The following KAT2B variants were observed in gnomAD, a reference collection of about 807,000 sequenced individuals.
KAT2B encodes lysine acetyltransferase 2B, also known as histone acetyltransferase KAT2B.
KAT2B carries 36 observed loss-of-function variants against 105.9 expected under a neutral mutation model. The ratio of observed to expected loss-of-function variants is 0.34; its 90% CI spans 0.26 to 0.45. The LOEUF is 0.45. KAT2B is among the 20% of genes least tolerant of loss of function. The pLI is 1.00. For synonymous variants in KAT2B, 397 were observed against 377.9 expected (o/e 1.05, Z -0.59); for missense variants, 820 against 1,021.6 (o/e 0.80, Z 2.69).
rs9865832 is a variant in KAT2B, at chr3:20,147,957, G to A, written c.2120-6G>A. 5,605 of 1,613,020 alleles carry A rather than the reference G, an allele frequency of 3.5e-3. 189 individuals are homozygous for A. The African/African-American group carries it at 0.066, about 19-fold the overall frequency. ...TCATTCAGTGTTTCACTTTGTTGAC[G>A]TATAGGAGAGACAGGCTGGAAACCG... On this transcript the variant is annotated splice_region_variant and splice_polypyrimidine_tract_variant and intron_variant, in intron 14 of 17. Transcript: ENST00000263754.
chr3:20,045,174 T>A (rs535772753), intron 1 of KAT2B, among the ~76,000 whole-genome samples: 10 of 151,542 alleles, frequency 6.6e-5, no homozygotes, highest in African/African-American at 2.4e-4. Context: ...ACCACCATAC[T>A]TGGCTAATTT....
At chr3:20,111,028 TGTAG>T (rs1287259108) in intron 5 of KAT2B, among the ~76,000 whole-genome samples, 1 of 152,336 alleles carries the variant, frequency 6.6e-6, no homozygotes, top group East Asian at 1.9e-4. Flanking sequence ...ATAAGTGCTG[TGTAG>T]GCATTTTAAA....
At chr3:20,043,329 T>C (rs937408182) in intron 1 of KAT2B, among the ~76,000 whole-genome samples, 2 of 152,146 alleles carry the variant, frequency 1.3e-5, no homozygotes, top group Admixed American at 6.5e-5. Flanking sequence ...GAGTTACTTA[T>C]TGTGTGTGTG....
intron 2 of KAT2B, among the ~76,000 whole-genome samples, chr3:20,078,670 C>T (rs1200709290): frequency 6.6e-6 from 1 of 151,864 alleles, no homozygotes; most frequent in East Asian, 1.9e-4. Context: ...CCGCACCCTT[C>T]ATCATCTTTT....
chr3:20,041,648 G>T (rs1310211765), intron 1 of KAT2B, among the ~76,000 whole-genome samples: 1 of 152,192 alleles, frequency 6.6e-6, no homozygotes, highest in African/African-American at 2.4e-5. Flanking sequence ...GCTGTCAGCA[G>T]CGGCTTTGTT....
At chr3:20,046,483 T>G (rs1697814235) in intron 1 of KAT2B, among the ~76,000 whole-genome samples, 1 of 152,096 alleles carries the variant, frequency 6.6e-6, no homozygotes. Flanking sequence ...CTCAGGAGGT[T>G]GAGGTGGGAG....
At chr3:20,143,023 G>T (rs1699721040) in intron 13 of KAT2B, among the ~76,000 whole-genome samples, 2 of 152,100 alleles carry the variant, frequency 1.3e-5, no homozygotes, top group South Asian at 4.1e-4. Flanking sequence ...AGAAGCCAAA[G>T]TAAGGATGGG....
chr3:20,124,754 G>A (rs769489207), intron 9 of KAT2B, among the ~76,000 whole-genome samples: 11 of 152,204 alleles, frequency 7.2e-5, no homozygotes, highest in African/African-American at 1.2e-4. Context: ...AGTTTTGTGA[G>A]CTGGTTGTTC....
chr3:20,055,714 T>C (rs564896326), intron 1 of KAT2B, among the ~76,000 whole-genome samples: 13 of 152,284 alleles, frequency 8.5e-5, no homozygotes, highest in Admixed American at 3.3e-4. Flanking sequence ...TTTTACACAG[T>C]GATGTCAAGA....
chr3:20,140,509 C>G (rs1575157700), intron 13 of KAT2B, 145 bp downstream of exon 13: 2 of 764,960 alleles, frequency 2.6e-6, no homozygotes, highest in East Asian at 5.3e-5. Flanking sequence ...TTCTCTCTCT[C>G]TTTTTTGACA....
intron 2 of KAT2B, among the ~76,000 whole-genome samples, chr3:20,087,638 T>C (rs1698644129): frequency 6.6e-6 from 1 of 152,342 alleles, no homozygotes; most frequent in East Asian, 1.9e-4. Flanking sequence ...CTTTGTACTC[T>C]GTGACCAGCA....
intron 12 of KAT2B, 56 bp downstream of exon 12, chr3:20,137,108 A>G (rs1033863724): frequency 1.1e-6 from 1 of 875,414 alleles, no homozygotes; most frequent in Non-Finnish European, 1.9e-6. Flanking sequence ...ATATGTTCTC[A>G]GGTAGCGTTC....
intron 1 of KAT2B, among the ~76,000 whole-genome samples, chr3:20,067,709 C>G (rs369188611): frequency 6.6e-6 from 1 of 152,286 alleles, no homozygotes. Flanking sequence ...GGGTCTCACT[C>G]TGTCACCCAG....
chr3:20,040,494 G>C lies in KAT2B; in HGVS notation c.17G>C (p.Gly6Ala). 2.9e-6 allele frequency: 3 copies of C among 1,041,296 alleles called. No homozygotes were observed. The highest frequency in any genetic ancestry group is 3.5e-6 in the Non-Finnish European group (3 of 867,870). 64.5% of individuals were successfully genotyped at this position (1,041,296 alleles called of 1,614,324 possible). Reference sequence around the variant, plus strand: ...CGGGGCGGCATGTCCGAGGCTGGCGGGGCCGGGCCGGGCGGCTGCGGGGCA... The same window carrying C: ...CGGGGCGGCATGTCCGAGGCTGGCGCGGCCGGGCCGGGCGGCTGCGGGGCA... MSEAG[G>A]AGPGGCGAGA... Residue 6 changes from glycine to alanine, a missense_variant, in exon 1 of 18, where the codon GGG (glycine) becomes GCG (alanine). Transcript: ENST00000263754.
intron 1 of KAT2B, among the ~76,000 whole-genome samples, chr3:20,071,207 C>T (rs1364218320): frequency 6.6e-6 from 1 of 152,182 alleles, no homozygotes; most frequent in East Asian, 1.9e-4. Flanking sequence ...TTTGCAACTA[C>T]AGTGCACTTT....
intron 12 of KAT2B, chr3:20,137,638 G>A (rs142342924): frequency 0.084 from 12,982 of 154,574 alleles, 611 homozygotes; most frequent in East Asian, 0.2. Flanking sequence ...CTGGGCTCAG[G>A]TGATTCTCCC....
At chr3:20,138,835 C>T (rs1169499557) in intron 12 of KAT2B, among the ~76,000 whole-genome samples, 1 of 151,988 alleles carries the variant, frequency 6.6e-6, no homozygotes, top group Non-Finnish European at 1.5e-5. Context: ...TTCTTTAAAT[C>T]TTCAGAATGT....
rs776636904 is a variant in KAT2B, at chr3:20,146,397, C to T, written c.2086C>T (p.Arg696Ter). The T allele has an allele frequency of 1.9e-6, 3 of 1,612,236 alleles. No individual in the cohort carries two copies. The highest frequency in any genetic ancestry group is 2.5e-6 in the Non-Finnish European group (3 of 1,178,486). Reference protein sequence around the residue: ...PGLSCFKDGVRQIPIESIPGI... With the variant: ...PGLSCFKDGV ...ACTTTCATGTTTTAAAGATGGAGTT[C>T]GACAGATTCCTATAGAAAGCATTCC... The change falls in exon 14 of 18, where the codon CGA becomes TGA. Residue 696 changes from arginine (R) to a stop codon, truncating the protein, a stop_gained. Transcript: ENST00000263754. LOFTEE classifies it high-confidence loss of function.
At position 20,040,530 on chromosome 3, in the gene KAT2B, C is replaced by T; in HGVS notation, c.53C>T (p.Ala18Val). ...GGCGGCTGCGGGGCAGGAGCCGGGG[C>T]AGGGGCCGGGCCCGGGGCGCTGCCC... ...GPGGCGAGAG[A>V]GAGPGALPPQ... is the part of the protein sequence containing the mutation. Residue 18 changes from alanine to valine, a missense_variant, in exon 1 of 18, where the codon GCA becomes GTA. Ala to Val is a moderately conservative substitution (Grantham distance 64). Transcript: ENST00000263754. 3.0e-6 allele frequency: 3 copies of T among 1,004,910 alleles called. No homozygotes were observed. The highest frequency in any genetic ancestry group is 3.6e-6 in the Non-Finnish European group (3 of 838,440). 62.2% of individuals were successfully genotyped at this position (1,004,910 alleles called of 1,614,324 possible).
Sources: allele counts gnomAD v4.1 joint callset (sites outside exome capture counted in the v4.1 genomes callset), GRCh38; gene constraint gnomAD v4.1.1; transcripts MANE v1.5; gene names NCBI Gene and HGNC (gene_info 2026-07-23, HGNC 2026-07-21).